Variants in ROBO2 observed in about 807,000 individuals in gnomAD.
ROBO2 encodes roundabout homolog 2.
Under a neutral mutation model 160.8 loss-of-function variants are expected in ROBO2, and 53 were observed. The observed-to-expected ratio is 0.33, with a 90% CI of 0.26 to 0.41. ROBO2 has a LOEUF of 0.41. Ranked by LOEUF, ROBO2 falls within the 10% of genes least tolerant of loss-of-function variation. The probability of loss-of-function intolerance (pLI) is 1.00; values close to 1 mark genes in which losing one functional copy is unlikely to be tolerated. For missense variants in ROBO2, 1,577 were observed against 1,722.4 expected, an observed-to-expected ratio of 0.92 and a Z score of 1.49; for synonymous variants, 664 against 611.7, an observed-to-expected ratio of 1.09 and a Z score of -1.26.
chr3:76,089,448 A>G (rs2069139831), intron 2 of ROBO2, among the ~76,000 whole-genome samples: 1 of 152,162 alleles, frequency 6.6e-6, no homozygotes, highest in South Asian at 2.1e-4. Flanking sequence ...ATATTAGCAA[A>G]TTAAATTGAA....
chr3:77,110,646 T>A (rs903036525), intron 2 of ROBO2, among the ~76,000 whole-genome samples: 4 of 148,834 alleles, frequency 2.7e-5, no homozygotes, highest in African/African-American at 7.4e-5. Flanking sequence ...TATATATATA[T>A]AAATATATAA....
At chr3:76,748,700 G>A (rs768224929) in intron 2 of ROBO2, among the ~76,000 whole-genome samples, 33 of 151,868 alleles carry the variant, frequency 2.2e-4, no homozygotes, top group Admixed American at 3.3e-4. Flanking sequence ...ATCACCCAGC[G>A]TTAATAAGGG....
At chr3:77,497,038 T>C (rs1363326244) in intron 5 of ROBO2, among the ~76,000 whole-genome samples, 3 of 152,238 alleles carry the variant, frequency 2.0e-5, no homozygotes, top group African/African-American at 7.2e-5. Flanking sequence ...ATAGCAAGTC[T>C]AACAATAACC....
At chr3:77,345,358 A>G (rs1165929104) in intron 2 of ROBO2, among the ~76,000 whole-genome samples, 2 of 152,064 alleles carry the variant, frequency 1.3e-5, no homozygotes, top group Non-Finnish European at 2.9e-5. Context: ...CACCCTTACC[A>G]CACATGATTG....
chr3:76,744,404 G>A lies in ROBO2; in HGVS notation c.110-353610G>A, dbSNP rs137926527. On this transcript the variant is annotated intron_variant, in intron 2 of 26. Coordinates refer to the ROBO2 transcript ENST00000487694. ...AGATAGGGTCTCCTTATGCCACCCA[G>A]GCTATAGTGCAGTGGCACAATCATA... 6.5e-3 allele frequency among the ~76,000 whole-genome samples: 988 copies of A among 151,370 alleles called. 6 individuals carry two copies. The highest frequency in any genetic ancestry group is 0.024 in the Middle Eastern group (7 of 294).
chr3:76,747,793 A>T (rs2093918193), intron 2 of ROBO2, among the ~76,000 whole-genome samples: 1 of 152,034 alleles, frequency 6.6e-6, no homozygotes, highest in African/African-American at 2.4e-5. Context: ...ATCTGTATGT[A>T]TTTAAAAAAA....
At chr3:76,086,580 A>C (rs2069021140) in intron 2 of ROBO2, among the ~76,000 whole-genome samples, 1 of 152,128 alleles carries the variant, frequency 6.6e-6, no homozygotes, top group African/African-American at 2.4e-5. Context: ...TTACCAATCT[A>C]TTAAAGGCCT....
chr3:76,527,559 C>T (rs1388872536), intron 2 of ROBO2, among the ~76,000 whole-genome samples: 1 of 152,048 alleles, frequency 6.6e-6, no homozygotes, highest in African/African-American at 2.4e-5. Flanking sequence ...TTGATTAACT[C>T]ATTATATAAA....
intron 2 of ROBO2, among the ~76,000 whole-genome samples, chr3:77,249,885 G>T: frequency 6.6e-6 from 1 of 150,608 alleles, no homozygotes; most frequent in Non-Finnish European, 1.5e-5. Context: ...GTTACTAAGT[G>T]TTAGATTTAA....
At chr3:77,137,962 A>AT (rs563929654) in intron 2 of ROBO2, among the ~76,000 whole-genome samples, 36 of 151,052 alleles carry the variant, frequency 2.4e-4, no homozygotes, top group Non-Finnish European at 3.4e-4. Context: ...ATTTAACAGA[A>AT]TTTTTTTTTT....
intron 2 of ROBO2, among the ~76,000 whole-genome samples, chr3:76,742,002 G>A (rs532678872): frequency 4.6e-5 from 7 of 151,996 alleles, no homozygotes; most frequent in Non-Finnish European, 8.8e-5. Flanking sequence ...TCCCACATAA[G>A]TGATAGAGTT....
At chr3:76,209,321 T>C (rs948782394) in intron 2 of ROBO2, among the ~76,000 whole-genome samples, 1 of 152,192 alleles carries the variant, frequency 6.6e-6, no homozygotes, top group African/African-American at 2.4e-5. Context: ...CATTCTCTTA[T>C]TAACTAAGGA....
chr3:77,179,361 A>T (rs1433984839), intron 2 of ROBO2, among the ~76,000 whole-genome samples: 1 of 151,982 alleles, frequency 6.6e-6, no homozygotes, highest in African/African-American at 2.4e-5. Flanking sequence ...TTTCCTTTTC[A>T]GCTATTTTTT....
In ROBO2 at chr3:76,725,529, C is replaced by T. The variant is rs576129729; in HGVS notation, c.110-372485C>T. On this transcript the variant is annotated intron_variant, in intron 2 of 26. Transcript: ENST00000487694. The stretch of plus-strand genomic sequence containing the variant: ...TGGTTTGCTATAATGAGACATATGC[C>T]AGATCAAAATCTGCTATATGTGCAG... 3.3e-5 allele frequency among the ~76,000 whole-genome samples: 5 copies of T among 152,258 alleles called. No individual in the cohort carries two copies. In the South Asian group the frequency reaches 1.0e-3, roughly 32 times the overall value.
chr3:76,506,573 T>C (rs1240827893), intron 2 of ROBO2, among the ~76,000 whole-genome samples: 1 of 152,222 alleles, frequency 6.6e-6, no homozygotes, highest in African/African-American at 2.4e-5. Flanking sequence ...TTGCATTATT[T>C]TTTCTGTCTT....
chr3:76,514,126 G>A (rs1479561827), intron 2 of ROBO2, among the ~76,000 whole-genome samples: 1 of 152,066 alleles, frequency 6.6e-6, no homozygotes, highest in Non-Finnish European at 1.5e-5. Flanking sequence ...GTTGAAAAAA[G>A]TGTGTCATTT....
intron 2 of ROBO2, among the ~76,000 whole-genome samples, chr3:76,227,838 G>C (rs1027414622): frequency 1.3e-5 from 2 of 152,144 alleles, no homozygotes; most frequent in African/African-American, 4.8e-5. Flanking sequence ...CACTGCTCTG[G>C]CAATCTTTTG....
At chr3:76,865,534 ACACTCTGAGT>A (rs2071277703) in intron 2 of ROBO2, among the ~76,000 whole-genome samples, 1 of 152,238 alleles carries the variant, frequency 6.6e-6, no homozygotes, top group East Asian at 1.9e-4. Flanking sequence ...TGGTTCATCC[ACACTCTGAGT>A]CACTCTAATA....
intron 2 of ROBO2, among the ~76,000 whole-genome samples, chr3:76,659,342 A>C (rs1417550281): frequency 4.7e-5 from 7 of 149,350 alleles, no homozygotes; most frequent in Non-Finnish European, 8.9e-5. Flanking sequence ...ATACATATAT[A>C]ATGCATATAA....
Sources: allele counts gnomAD v4.1 joint callset (sites outside exome capture counted in the v4.1 genomes callset), GRCh38; gene constraint gnomAD v4.1.1; transcripts MANE v1.5; gene names NCBI Gene and HGNC (gene_info 2026-07-23, HGNC 2026-07-21).